Variants in COL8A2 observed in about 807,000 individuals in gnomAD.
COL8A2 encodes collagen alpha-2(VIII) chain.
Under a neutral mutation model 24.0 loss-of-function variants are expected in COL8A2, and 16 were observed. That is an observed-to-expected ratio of 0.67 (90% CI 0.45 to 1.01). The LOEUF is 1.01. Among genes scored for constraint, COL8A2 ranks in the 50% least tolerant of loss-of-function variants. COL8A2 has a pLI of 0.00. For missense variants in COL8A2, 818 were observed against 942.4 expected (o/e 0.87, Z 1.73); for synonymous variants, 466 against 424.5 (o/e 1.10, Z -1.20).
Position 36,125,058 on chromosome 1 carries a change from T to TGCGGGC in COL8A2, c.-69_-64dup. On this transcript the variant is annotated splice_region_variant and 5_prime_UTR_variant, in exon 1 of 4. Coordinates refer to ENST00000397799, the MANE Select transcript of COL8A2 (RefSeq NM_005202.4). The surrounding 1 kb of genome is among the most constrained non-coding windows in gnomAD (Gnocchi z 4.5). ...CGGTGCCCGCCTCCTGGCCTTTACCTGCGGGCGCGGCCGCCGGGCGCCGCT... is the reference window on the plus strand; with the variant it reads ...CGGTGCCCGCCTCCTGGCCTTTACCTGCGGGCGCGGGCGCGGCCGCCGGGCGCCGCT... 1.0e-6 allele frequency: 1 copy of TGCGGGC among 980,274 alleles called. No homozygotes were observed. Among genetic ancestry groups the TGCGGGC allele is most frequent in the Non-Finnish European group, 1.2e-6 (1 of 825,972 alleles). The allele number at this position is 980,274 out of a possible 1,614,324, so 60.7% of individuals were successfully genotyped here.
At chr1:36,124,417 C>T (rs1264765305) in intron 1 of COL8A2, among the ~76,000 whole-genome samples, 3 of 152,134 alleles carry the variant, frequency 2.0e-5, no homozygotes, top group Admixed American at 6.5e-5. Flanking sequence ...CCCAGTCCCT[C>T]TTGGCCAGGC....
At position 36,096,239 on chromosome 1, in the gene COL8A2, C is replaced by T. The variant is rs1643561786; in HGVS notation, c.*1330G>A. 1 of 152,282 alleles carries T rather than the reference C, an allele frequency of 6.6e-6. No individual in the cohort carries two copies. Among genetic ancestry groups the T allele is most frequent in the Admixed American group, 6.5e-5 (1 of 15,286 alleles). 9.4% of individuals were successfully genotyped at this position (152,282 alleles called of 1,614,324 possible). A position where few individuals can be genotyped will look rare whatever the true frequency, so the allele number is the denominator to read the frequency against. Reference sequence around the variant, plus strand: ...CACCACTCCCAGCACTCATCTCAGCCTTATCCACTCCGCTTGACGTAGGGA... The same window carrying T: ...CACCACTCCCAGCACTCATCTCAGCTTTATCCACTCCGCTTGACGTAGGGA... On this transcript the variant is annotated 3_prime_UTR_variant, in exon 4 of 4. Coordinates refer to ENST00000397799, the MANE Select transcript of COL8A2 (RefSeq NM_005202.4).
Position 36,097,561 on chromosome 1 carries a change from C to G in COL8A2, c.*8G>C, listed in dbSNP as rs770404305. On this transcript the variant is annotated 3_prime_UTR_variant, in exon 4 of 4. Coordinates refer to ENST00000397799, the MANE Select transcript of COL8A2 (RefSeq NM_005202.4). ...AGGAGGCCAGGGCAGCAGGACCCCC[C>G]CCGCGGGTTATGTGGGGCAGAGCAA... 33 of 1,597,166 alleles carry G rather than the reference C, an allele frequency of 2.1e-5. No individual in the cohort carries two copies. The highest frequency in any genetic ancestry group is 1.2e-4 in the South Asian group (11 of 90,252).
rs978529011 is a variant in COL8A2 at position 36,098,265 on chromosome 1, G to A, written c.1416C>T (p.Gly472=). Reference sequence around the variant, plus strand: ...CCGGCAGGCCTTGGGGCCCAATAGGGCCAGCTGGACCCTGGAGTCCTGGGA... The same window carrying A: ...CCGGCAGGCCTTGGGGCCCAATAGGACCAGCTGGACCCTGGAGTCCTGGGA... ...SGIPGLQGPA[G]PIGPQGLPGL... is the part of the protein sequence containing the mutation. The change falls in exon 4 of 4, where the codon GGC becomes GGT. Residue 472 remains glycine (G), a synonymous_variant. Transcript: ENST00000397799. 1.3e-6 allele frequency: 2 copies of A among 1,545,918 alleles called. No individual in the cohort carries two copies. Among genetic ancestry groups the A allele is most frequent in the African/African-American group, 2.7e-5 (2 of 72,734 alleles).
At chr1:36,104,436 G>A (rs1168889486) in intron 2 of COL8A2, among the ~76,000 whole-genome samples, 1 of 152,090 alleles carries the variant, frequency 6.6e-6, no homozygotes. Flanking sequence ...AGGTTCCAGT[G>A]AGCCAAGATC....
At position 36,097,388 on chromosome 1, in the gene COL8A2, G is replaced by T; in HGVS notation, c.*181C>A. The T allele has an allele frequency of 1.6e-6, 1 of 621,654 alleles. No individual in the cohort carries two copies. Among genetic ancestry groups the T allele is most frequent in the Non-Finnish European group, 2.8e-6 (1 of 353,008 alleles). The allele number at this position is 621,654 out of a possible 1,614,324, so 38.5% of individuals were successfully genotyped here. ...ATTTGGGGGAAAGAAACTCAGGCCA[G>T]CCCCTTCCAGAAACAATCTCAGCCT... is the stretch of plus-strand genomic sequence containing the variant. On this transcript the variant is annotated 3_prime_UTR_variant, in exon 4 of 4. Transcript: ENST00000397799.
rs749281650 is a variant in COL8A2, at chr1:36,098,999, G to A, written c.682C>T (p.Pro228Ser). Residue 228 changes from proline (P) to serine (S), a missense_variant, in exon 4 of 4, where the codon CCC becomes TCC. Coordinates refer to ENST00000397799, the MANE Select transcript of COL8A2 (RefSeq NM_005202.4). Reference sequence around the variant, plus strand: ...AAGCCAGCTGGACCAGGGAGGCCGGGGGGGCCGGGGGCACCCCCCTGCCCT... The same window carrying A: ...AAGCCAGCTGGACCAGGGAGGCCGGAGGGGCCGGGGGCACCCCCCTGCCCT... The part of the protein sequence containing the change: ...APGQGGAPGP[P>S]GLPGPAGLGK... 2.5e-6 allele frequency: 4 copies of A among 1,590,122 alleles called. No individual in the cohort carries two copies. The highest frequency in any genetic ancestry group is 3.4e-6 in the Non-Finnish European group (4 of 1,166,794).
chr1:36,111,203 C>A (rs1351846128), intron 2 of COL8A2, among the ~76,000 whole-genome samples: 2 of 152,110 alleles, frequency 1.3e-5, no homozygotes, highest in Admixed American at 6.5e-5. Context: ...CGGGCCTGAC[C>A]CCTCCCCAGC....
chr1:36,104,424 G>A (rs1257056265), intron 2 of COL8A2, among the ~76,000 whole-genome samples: 3 of 152,018 alleles, frequency 2.0e-5, no homozygotes, highest in Non-Finnish European at 2.9e-5. Flanking sequence ...CCAGAGAGGC[G>A]GAGGTTCCAG....
intron 1 of COL8A2, among the ~76,000 whole-genome samples, chr1:36,121,388 CAAAA>C (rs57902365): frequency 4.2e-5 from 2 of 47,652 alleles, no homozygotes; most frequent in South Asian, 1.9e-3. Context: ...GACTCTGTCT[CAAAA>C]AAAAAAAAAA....
intron 2 of COL8A2, among the ~76,000 whole-genome samples, chr1:36,102,118 G>T (rs1448042790): frequency 6.6e-6 from 1 of 152,096 alleles, no homozygotes; most frequent in East Asian, 1.9e-4. Flanking sequence ...GGTGGAGGTT[G>T]CAGTGAGCTG....
Position 36,099,062 on chromosome 1 carries a change from C to T in COL8A2, c.619G>A (p.Asp207Asn). Residue 207 changes from aspartate to asparagine, a missense_variant, in exon 4 of 4, where the codon GAT becomes AAT. Physicochemically the swap from Asp to Asn is conservative, Grantham distance 23. Around this residue, in one of 3 missense-constraint regions of COL8A2, gnomAD observed 573 missense variants for 616.8 expected, o/e 0.93. Transcript: ENST00000397799. ...AGCCCGGGCTGGCCCACTCCATTATCCCCCTTGAGGCCTCGATCACCTGGG... is the reference window on the plus strand; with the variant it reads ...AGCCCGGGCTGGCCCACTCCATTATTCCCCTTGAGGCCTCGATCACCTGGG... ...GPPGDRGLKG[D>N]NGVGQPGLPG... The T allele has an allele frequency of 6.6e-7, 1 of 1,520,816 alleles. No homozygotes were observed. Among genetic ancestry groups the T allele is most frequent in the Non-Finnish European group, 8.8e-7 (1 of 1,137,038 alleles). The allele number at this position is 1,520,816 out of a possible 1,614,324, so 94.2% of individuals were successfully genotyped here. A position where few individuals can be genotyped will look rare whatever the true frequency, so the allele number is the denominator to read the frequency against.
chr1:36,124,204 C>T (rs747297345), intron 1 of COL8A2, among the ~76,000 whole-genome samples: 1 of 152,164 alleles, frequency 6.6e-6, no homozygotes, highest in Non-Finnish European at 1.5e-5. Flanking sequence ...GTCAGCCGCA[C>T]GTCTGTGTCA....
At position 36,096,316 on chromosome 1, in the gene COL8A2, C is replaced by G. The variant is rs180756484; in HGVS notation, c.*1253G>C. The G allele has an allele frequency of 3.9e-5, 6 of 152,368 alleles. No homozygotes were observed. The highest frequency in any genetic ancestry group is 2.0e-4 in the Admixed American group (3 of 15,292). 9.4% of individuals were successfully genotyped at this position (152,368 alleles called of 1,614,324 possible). A position where few individuals can be genotyped will look rare whatever the true frequency, so the allele number is the denominator to read the frequency against. The stretch of plus-strand genomic sequence containing the variant: ...CTGTTTCCTGCAGAGGAGCTCTGAT[C>G]GGGGAACAGGGCAGAAACGTCCAGA... On this transcript the variant is annotated 3_prime_UTR_variant, in exon 4 of 4. Transcript: ENST00000397799.
At chr1:36,103,080 T>G (rs1033969052) in intron 2 of COL8A2, among the ~76,000 whole-genome samples, 3 of 152,028 alleles carry the variant, frequency 2.0e-5, no homozygotes, top group Admixed American at 1.3e-4. Context: ...CCTCCCGGGC[T>G]CAAGTAATCC....
intron 2 of COL8A2, among the ~76,000 whole-genome samples, chr1:36,110,418 T>A (rs1392802372): frequency 1.3e-5 from 2 of 152,172 alleles, no homozygotes; most frequent in African/African-American, 4.8e-5. Flanking sequence ...TTCCTCCATC[T>A]CTTCAAAAGC....
intron 1 of COL8A2, among the ~76,000 whole-genome samples, chr1:36,122,031 G>A (rs1643918249): frequency 6.6e-6 from 1 of 152,184 alleles, no homozygotes; most frequent in African/African-American, 2.4e-5. Context: ...CATGGGGATA[G>A]TCAGCCTCCA....
chr1:36,097,306 AGG>A lies in COL8A2; in HGVS notation c.*261_*262del. 4.6e-6 allele frequency: 2 copies of A among 434,434 alleles called. No homozygotes were observed. The highest frequency in any genetic ancestry group is 8.4e-6 in the Non-Finnish European group (2 of 238,464). The allele number at this position is 434,434 out of a possible 1,614,324, so 26.9% of individuals were successfully genotyped here. The stretch of plus-strand genomic sequence containing the variant: ...GGCCCAGCAGAGGCCAGGACTCACA[AGG>A]GGCTGGGCTGTGTGCCTCAGGGCCT... On this transcript the variant is annotated 3_prime_UTR_variant, in exon 4 of 4. Coordinates refer to ENST00000397799, the MANE Select transcript of COL8A2 (RefSeq NM_005202.4).
At chr1:36,110,471 CT>C (rs925340105) in intron 2 of COL8A2, among the ~76,000 whole-genome samples, 79 of 147,420 alleles carry the variant, frequency 5.4e-4, no homozygotes, top group African/African-American at 1.4e-3. Flanking sequence ...GTAAAGTGAA[CT>C]TTTTTTTTTT....
Sources: allele counts gnomAD v4.1 joint callset (sites outside exome capture counted in the v4.1 genomes callset), GRCh38; gene constraint gnomAD v4.1.1; regional missense constraint gnomAD v4.1.1; non-coding constraint Gnocchi (gnomAD v3.1); transcripts MANE v1.5; gene names NCBI Gene and HGNC (gene_info 2026-07-23, HGNC 2026-07-21).